KALRN: variants seen among roughly 807,000 people sequenced by gnomAD.
The protein encoded by KALRN is kalirin.
Under a neutral mutation model 353.7 loss-of-function variants are expected in KALRN, and 70 were observed. The observed-to-expected ratio is 0.20, with a 90% CI of 0.16 to 0.24. KALRN has a LOEUF of 0.24. Among genes scored for constraint, KALRN ranks in the 10% least tolerant of loss-of-function variants. The pLI is 1.00. For synonymous variants in KALRN, 1,391 were observed against 1,434.8 expected, an observed-to-expected ratio of 0.97 and a Z score of 0.69; for missense variants, 2,791 against 3,756.7, an observed-to-expected ratio of 0.74 and a Z score of 6.72.
At chr3:124,278,453 C>A (rs1042741003) in intron 5 of KALRN, among the ~76,000 whole-genome samples, 1 of 111,166 alleles carries the variant, frequency 9.0e-6, no homozygotes, top group Non-Finnish European at 1.9e-5. Flanking sequence ...ATGAAGGACA[C>A]TTCAGGTGTG....
chr3:124,113,722 C>T (rs2063205038), intron 1 of KALRN, among the ~76,000 whole-genome samples: 1 of 152,270 alleles, frequency 6.6e-6, no homozygotes, highest in Non-Finnish European at 1.5e-5. Context: ...GCCCTGCTAT[C>T]TCCTGCTGGC....
chr3:124,350,150 C>T (rs568426186), intron 10 of KALRN, among the ~76,000 whole-genome samples: 14 of 152,286 alleles, frequency 9.2e-5, no homozygotes, highest in South Asian at 2.1e-4. Context: ...GGTTATAGGC[C>T]GCAGTTTTTG....
intron 43 of KALRN, among the ~76,000 whole-genome samples, chr3:124,660,022 C>T (rs2084628385): frequency 6.6e-6 from 1 of 151,938 alleles, no homozygotes; most frequent in Admixed American, 6.6e-5. Context: ...GCCTCAAATG[C>T]CTGAGCTCAA....
At chr3:124,140,538 C>A (rs2066489514) in intron 1 of KALRN, among the ~76,000 whole-genome samples, 1 of 152,214 alleles carries the variant, frequency 6.6e-6, no homozygotes. Context: ...ATCTTATCCC[C>A]TGTCTCTATA....
Position 124,188,365 on chromosome 3 carries a change from G to A in KALRN, c.74-39625G>A, listed in dbSNP as rs563190798. On this transcript the variant is annotated intron_variant, in intron 1 of 59. Transcript: ENST00000682506. ...GCAAGAAAATAGTCATGAGGGGTGC[G>A]CAAGGGTGGTGGAGGAGAGAAGCTC... 3.3e-5 allele frequency among the ~76,000 whole-genome samples: 5 copies of A among 152,270 alleles called. No homozygotes were observed. In the South Asian group the frequency reaches 1.0e-3, roughly 32 times the overall value.
intron 1 of KALRN, among the ~76,000 whole-genome samples, chr3:124,217,881 A>G (rs75293169): frequency 0.067 from 10,204 of 152,240 alleles, 315 homozygotes; most frequent in East Asian, 0.096. Flanking sequence ...TGTTCCATGT[A>G]TGTGGTGGAA....
At chr3:124,177,994 T>A (rs2073022364) in intron 1 of KALRN, among the ~76,000 whole-genome samples, 1 of 152,184 alleles carries the variant, frequency 6.6e-6, no homozygotes, top group Admixed American at 6.5e-5. Context: ...CCTGGGCTGC[T>A]CTTTCAAAGG....
chr3:124,266,247 A>C (rs538816379), intron 4 of KALRN, among the ~76,000 whole-genome samples: 1 of 152,248 alleles, frequency 6.6e-6, no homozygotes, highest in African/African-American at 2.4e-5. Context: ...GTGATAAAAC[A>C]ATATGGACAC....
chr3:124,035,735 T>C (rs1046340937), intron 1 of KALRN, among the ~76,000 whole-genome samples: 3 of 152,262 alleles, frequency 2.0e-5, no homozygotes, highest in African/African-American at 7.2e-5. Flanking sequence ...GCACACATTA[T>C]CTAACCCTGG....
At position 124,455,215 on chromosome 3, in the gene KALRN, C is replaced by G; in HGVS notation, c.3591C>G (p.Ala1197=). Residue 1197 remains alanine (A), a synonymous_variant, in exon 22 of 60, where the codon GCC becomes GCG. Transcript: ENST00000682506. ...KEKVKLLIQL[A]DSFVEKGHIH... is the part of the protein sequence containing the mutation. The stretch of plus-strand genomic sequence containing the variant: ...AGGTGAAGCTTCTGATTCAGCTGGC[C>G]GATAGCTTTGTGGAAAAAGGCCACA... 1 of 1,614,060 alleles carries G rather than the reference C, an allele frequency of 6.2e-7. No homozygotes were observed. The highest frequency in any genetic ancestry group is 8.5e-7 in the Non-Finnish European group (1 of 1,180,006).
intron 34 of KALRN, among the ~76,000 whole-genome samples, chr3:124,611,628 C>A (rs1314684603): frequency 1.3e-5 from 2 of 152,152 alleles, no homozygotes; most frequent in Non-Finnish European, 2.9e-5. Flanking sequence ...GAAAATGAAT[C>A]CTATTGCATC....
At chr3:124,229,006 A>G (rs1275678739) in intron 2 of KALRN, among the ~76,000 whole-genome samples, 1 of 152,188 alleles carries the variant, frequency 6.6e-6, no homozygotes, top group African/African-American at 2.4e-5. Flanking sequence ...CTGTGACTAC[A>G]TTTAGGGCCC....
At chr3:124,592,961 A>G (rs2075948839) in intron 34 of KALRN, among the ~76,000 whole-genome samples, 1 of 152,208 alleles carries the variant, frequency 6.6e-6, no homozygotes, top group Non-Finnish European at 1.5e-5. Flanking sequence ...GTCAAATTGA[A>G]GGGGAGGGAA....
intron 28 of KALRN, among the ~76,000 whole-genome samples, chr3:124,483,429 G>T (rs879792294): frequency 4.6e-5 from 7 of 152,162 alleles, no homozygotes; most frequent in Admixed American, 1.3e-4. Context: ...GTGTGCACCT[G>T]TAATCCCAAT....
intron 34 of KALRN, among the ~76,000 whole-genome samples, chr3:124,606,081 G>A (rs945537066): frequency 2.0e-5 from 3 of 152,258 alleles, no homozygotes; most frequent in African/African-American, 7.2e-5. Flanking sequence ...ATAGCTTAAA[G>A]ACTTGACTTA....
chr3:124,369,445 T>G (rs1328408858), intron 10 of KALRN, among the ~76,000 whole-genome samples: 1 of 152,218 alleles, frequency 6.6e-6, no homozygotes, highest in African/African-American at 2.4e-5. Flanking sequence ...CATCTTTCTC[T>G]TTTTCTTTTA....
chr3:124,579,429 T>C (rs2074421946), intron 34 of KALRN, among the ~76,000 whole-genome samples: 1 of 152,252 alleles, frequency 6.6e-6, no homozygotes, highest in African/African-American at 2.4e-5. Context: ...AGCCATCTAG[T>C]TGAAAAGTAA....
intron 1 of KALRN, among the ~76,000 whole-genome samples, chr3:124,205,512 A>G (rs1209258823): frequency 6.6e-6 from 1 of 152,224 alleles, no homozygotes; most frequent in Non-Finnish European, 1.5e-5. Context: ...ATAATATGAG[A>G]GGATTTAATG....
At chr3:124,457,575 A>G (rs821890) in intron 23 of KALRN, among the ~76,000 whole-genome samples, 96,048 of 152,054 alleles carry the variant, frequency 0.63, 30,887 homozygotes, top group Middle Eastern at 0.75. Flanking sequence ...TACACTTTTT[A>G]TGTCCTAAAC....
Sources: gnomAD v4.1 joint callset for allele counts (sites outside exome capture counted in the v4.1 genomes callset) on GRCh38, gnomAD v4.1.1 for gene constraint, MANE v1.5 for transcripts, NCBI Gene and HGNC (gene_info 2026-07-23, HGNC 2026-07-21) for gene names.